The following UBR3 variants were observed in gnomAD, a reference collection of about 807,000 sequenced individuals.
The protein encoded by UBR3 is ubiquitin protein ligase E3 component n-recognin 3.
Under a neutral mutation model 243.2 loss-of-function variants are expected in UBR3, and 85 were observed. The observed-to-expected ratio is 0.35, with a 90% CI of 0.29 to 0.42. The LOEUF is 0.42. Among genes scored for constraint, UBR3 ranks in the 10% least tolerant of loss-of-function variants. UBR3 has a pLI of 1.00. For missense variants in UBR3, 1,686 were observed against 2,300.8 expected (o/e 0.73, Z 5.47); for synonymous variants, 748 against 799.8 (o/e 0.94, Z 1.09).
chr2:170,077,998 AGTAC>A (rs2091845812), intron 36 of UBR3: 1 of 656,824 alleles, frequency 1.5e-6, no homozygotes, highest in Admixed American at 2.0e-5. Context: ...CATACTGGGA[AGTAC>A]GTTAGCTTGA....
At chr2:169,870,092 T>A (rs2083387683) in intron 1 of UBR3, among the ~76,000 whole-genome samples, 1 of 152,230 alleles carries the variant, frequency 6.6e-6, no homozygotes, top group South Asian at 2.1e-4. Context: ...AGGCTCCATT[T>A]CTTACATTTG....
At chr2:170,007,820 T>C (rs974324031) in intron 28 of UBR3, among the ~76,000 whole-genome samples, 7 of 152,084 alleles carry the variant, frequency 4.6e-5, no homozygotes, top group Admixed American at 3.3e-4. Flanking sequence ...GCTGGGATCG[T>C]GCCACTCCAC....
intron 19 of UBR3, among the ~76,000 whole-genome samples, chr2:169,935,906 CAAAG>C (rs1441894182): frequency 6.6e-6 from 1 of 151,836 alleles, no homozygotes; most frequent in Non-Finnish European, 1.5e-5. Context: ...TTAAAGCAAA[CAAAG>C]AAATGAAGTA....
At chr2:169,913,767 G>A (rs1023518445) in intron 10 of UBR3, among the ~76,000 whole-genome samples, 1 of 122,240 alleles carries the variant, frequency 8.2e-6, no homozygotes, top group Admixed American at 8.2e-5. Flanking sequence ...ATAATAAATT[G>A]GGGGGGGTGT....
At chr2:169,852,862 A>C (rs981566391) in intron 1 of UBR3, among the ~76,000 whole-genome samples, 3 of 145,186 alleles carry the variant, frequency 2.1e-5, no homozygotes, top group African/African-American at 4.9e-5. Flanking sequence ...AAAAAAAAAA[A>C]AAAAAAAAAA....
chr2:169,835,468 G>C (rs1170617949), intron 1 of UBR3, among the ~76,000 whole-genome samples: 4 of 152,166 alleles, frequency 2.6e-5, no homozygotes, highest in African/African-American at 9.7e-5. Context: ...TTGATATGGA[G>C]TCTCACTCTG....
chr2:169,946,246 T>G (rs1436253328), intron 20 of UBR3, 42 bp from the exon 21 acceptor site: 1 of 1,155,636 alleles, frequency 8.7e-7, no homozygotes, highest in Non-Finnish European at 1.2e-6. Flanking sequence ...ATACCTTTTG[T>G]GGAAAAAAGT....
chr2:170,003,742 G>A (rs1281411974), intron 27 of UBR3, among the ~76,000 whole-genome samples: 1 of 151,952 alleles, frequency 6.6e-6, no homozygotes, highest in Non-Finnish European at 1.5e-5. Flanking sequence ...CCAGGTTCAC[G>A]CCGTTCTCCT....
chr2:169,901,411 A>G (rs2084817239), intron 8 of UBR3, among the ~76,000 whole-genome samples: 1 of 152,162 alleles, frequency 6.6e-6, no homozygotes, highest in African/African-American at 2.4e-5. Flanking sequence ...CTCTTTCAGT[A>G]GTAGCATAAG....
chr2:169,908,310 C>G (rs767375329), intron 10 of UBR3, among the ~76,000 whole-genome samples: 1 of 152,128 alleles, frequency 6.6e-6, no homozygotes, highest in South Asian at 2.1e-4. Flanking sequence ...AAATGAAGAA[C>G]AATTAATGTT....
chr2:169,839,958 C>A (rs1373864154), intron 1 of UBR3, among the ~76,000 whole-genome samples: 1 of 152,182 alleles, frequency 6.6e-6, no homozygotes, highest in East Asian at 1.9e-4. Context: ...TGAGAGGAAC[C>A]TTCTGGCAGA....
intron 24 of UBR3, among the ~76,000 whole-genome samples, chr2:169,961,028 G>A (rs1008351244): frequency 6.6e-6 from 1 of 151,940 alleles, no homozygotes; most frequent in Non-Finnish European, 1.5e-5. Context: ...ACTTTGTTAT[G>A]TTGCCTTTTG....
intron 27 of UBR3, among the ~76,000 whole-genome samples, chr2:170,002,653 A>G (rs539631798): frequency 2.6e-5 from 4 of 152,132 alleles, no homozygotes; most frequent in Admixed American, 2.0e-4. Flanking sequence ...TTTCTCCCCA[A>G]CACCTCAGGG....
At chr2:170,072,638 A>G (rs150828061) in intron 35 of UBR3, among the ~76,000 whole-genome samples, 269 of 152,206 alleles carry the variant, frequency 1.8e-3, no homozygotes, top group African/African-American at 6.1e-3. Flanking sequence ...ACAAGATTTG[A>G]AGGACTAATT....
intron 17 of UBR3, among the ~76,000 whole-genome samples, chr2:169,928,305 T>A (rs1280452951): frequency 6.6e-6 from 1 of 152,162 alleles, no homozygotes; most frequent in Non-Finnish European, 1.5e-5. Flanking sequence ...TCTTTGGGGA[T>A]GAAATTTTGT....
At chr2:169,879,569 TTAG>T (rs1201686466) in intron 5 of UBR3, among the ~76,000 whole-genome samples, 4 of 152,156 alleles carry the variant, frequency 2.6e-5, no homozygotes, top group African/African-American at 9.7e-5. Context: ...CCTTTACCTA[TTAG>T]TAGTGTAACC....
chr2:170,080,625 C>A lies in UBR3; in HGVS notation c.5490C>A (p.Arg1830=). ...ASVIIIIRGH[R]FCLWGSVYLD... ...TAATTATCATCATTCGAGGTCACCG[C>A]TTCTGCCTCTGGGGTTCCGTGTATT... Residue 1830 remains arginine (R), a synonymous_variant, in exon 38 of 39, where the codon CGC becomes CGA. Coordinates refer to ENST00000272793, the MANE Select transcript of UBR3 (RefSeq NM_172070.4). 6.2e-7 allele frequency: 1 copy of A among 1,614,040 alleles called. No homozygotes were observed. Among genetic ancestry groups the A allele is most frequent in the South Asian group, 1.1e-5 (1 of 91,046 alleles).
At chr2:169,890,540 G>GAGATATATATATATATATAT (rs1553504401) in intron 5 of UBR3, among the ~76,000 whole-genome samples, 2 of 76,020 alleles carry the variant, frequency 2.6e-5, no homozygotes, top group African/African-American at 1.3e-4. Flanking sequence ...GAGAGAGAGA[G>GAGATATATATATATATATAT]ATATATATAT....
chr2:169,975,572 G>A (rs2088393134), intron 24 of UBR3, among the ~76,000 whole-genome samples: 1 of 152,152 alleles, frequency 6.6e-6, no homozygotes, highest in African/African-American at 2.4e-5. Context: ...TATTGTATTG[G>A]AGTCTGTCTC....
Sources: allele counts gnomAD v4.1 joint callset (sites outside exome capture counted in the v4.1 genomes callset), GRCh38; gene constraint gnomAD v4.1.1; transcripts MANE v1.5; gene names NCBI Gene and HGNC (gene_info 2026-07-23, HGNC 2026-07-21).